Variants in SFMBT2 observed in about 807,000 individuals in gnomAD.
The protein encoded by SFMBT2 is scm-like with four MBT domains protein 2.
A neutral mutation model predicts 110.1 loss-of-function variants in SFMBT2; 38 were observed. The observed-to-expected ratio is 0.35, with a 90% CI of 0.27 to 0.45. The LOEUF (loss-of-function observed/expected upper bound fraction) is 0.45. Among genes scored for constraint, SFMBT2 ranks in the 20% least tolerant of loss-of-function variants. The pLI is 1.00. For missense variants in SFMBT2, 1,011 were observed against 1,094.9 expected, an observed-to-expected ratio of 0.92 and a Z score of 1.08; for synonymous variants, 425 against 425.4, an observed-to-expected ratio of 1.00 and a Z score of 0.01.
chr10:7,184,915 G>A (rs1016771659), intron 16 of SFMBT2, among the ~76,000 whole-genome samples: 12 of 152,216 alleles, frequency 7.9e-5, no homozygotes, highest in African/African-American at 2.7e-4. Flanking sequence ...ATCAGCAATA[G>A]TGAGGTACGG....
chr10:7,223,090 G>T (rs1839798107), intron 10 of SFMBT2, among the ~76,000 whole-genome samples: 1 of 152,150 alleles, frequency 6.6e-6, no homozygotes. Context: ...GTTAGGATTT[G>T]AACATATGAA....
intron 9 of SFMBT2, among the ~76,000 whole-genome samples, chr10:7,240,666 G>A (rs557604998): frequency 6.6e-6 from 1 of 152,162 alleles, no homozygotes; most frequent in Non-Finnish European, 1.5e-5. Context: ...CCAAGCTGAG[G>A]TTCTCCTGTT....
At chr10:7,399,910 T>A (rs1264860409) in intron 1 of SFMBT2, among the ~76,000 whole-genome samples, 2 of 152,154 alleles carry the variant, frequency 1.3e-5, no homozygotes, top group African/African-American at 2.4e-5. Flanking sequence ...TCCACTAGGA[T>A]GGAACAGAGA....
At chr10:7,264,266 G>C (rs1183142220) in intron 7 of SFMBT2, 1 of 239,764 alleles carries the variant, frequency 4.2e-6, no homozygotes, top group African/African-American at 2.3e-5. Context: ...AACCAAACCA[G>C]ACTCAATGCA....
chr10:7,387,189 G>A (rs1005202652), intron 1 of SFMBT2, among the ~76,000 whole-genome samples: 2 of 152,146 alleles, frequency 1.3e-5, no homozygotes, highest in African/African-American at 2.4e-5. Flanking sequence ...CCTAGGCATG[G>A]AGCATTTTTC....
At chr10:7,188,156 A>G (rs1266760193) in intron 16 of SFMBT2, among the ~76,000 whole-genome samples, 3 of 152,246 alleles carry the variant, frequency 2.0e-5, no homozygotes, top group African/African-American at 7.2e-5. Context: ...GCTGCCATTT[A>G]CTTAACCCAG....
intron 1 of SFMBT2, among the ~76,000 whole-genome samples, chr10:7,399,750 A>C (rs1462326795): frequency 6.6e-6 from 1 of 152,156 alleles, no homozygotes; most frequent in African/African-American, 2.4e-5. Context: ...TAAGTGCCCC[A>C]AGCAACACTG....
rs17142544 is a variant in SFMBT2, at chr10:7,158,928, A to G, written c.*4842T>C. Reference sequence around the variant, plus strand: ...CAAAACAGTGAAAGAGCTTTCAACAATCACGACGAGGGATAGTTGATGCTT... The same window carrying G: ...CAAAACAGTGAAAGAGCTTTCAACAGTCACGACGAGGGATAGTTGATGCTT... On this transcript the variant is annotated 3_prime_UTR_variant, in exon 21 of 21. Coordinates refer to ENST00000397167, the MANE Select transcript of SFMBT2 (RefSeq NM_001387889.1). 2.0e-5 allele frequency: 3 copies of G among 152,188 alleles called. No homozygotes were observed. Among genetic ancestry groups the G allele is most frequent in the African/African-American group, 2.4e-5 (1 of 41,440 alleles). 9.4% of individuals were successfully genotyped at this position (152,188 alleles called of 1,614,324 possible).
At chr10:7,227,671 A>G (rs1839933965) in intron 10 of SFMBT2, among the ~76,000 whole-genome samples, 184 bp downstream of exon 10, 1 of 152,242 alleles carries the variant, frequency 6.6e-6, no homozygotes, top group East Asian at 1.9e-4. Context: ...GTTAGCACAG[A>G]CCAGCATCAC....
chr10:7,271,822 C>T (rs994062761), intron 7 of SFMBT2, among the ~76,000 whole-genome samples: 1 of 152,180 alleles, frequency 6.6e-6, no homozygotes, highest in Non-Finnish European at 1.5e-5. Context: ...AGAGCTTCTG[C>T]AGGGAAACTC....
intron 4 of SFMBT2, among the ~76,000 whole-genome samples, chr10:7,362,984 C>G (rs543950564): frequency 6.6e-6 from 1 of 152,338 alleles, no homozygotes; most frequent in South Asian, 2.1e-4. Context: ...TCTTCCTTCA[C>G]AAGGGTCACA....
At chr10:7,232,299 T>G (rs1323596495) in intron 9 of SFMBT2, among the ~76,000 whole-genome samples, 1 of 152,190 alleles carries the variant, frequency 6.6e-6, no homozygotes, top group South Asian at 2.1e-4. Flanking sequence ...AAAAACTATT[T>G]GGCATTAAAA....
chr10:7,228,375 T>TAA, intron 9 of SFMBT2: 2 of 698,234 alleles, frequency 2.9e-6, no homozygotes, highest in Non-Finnish European at 3.2e-6. Flanking sequence ...AAATAAAAAA[T>TAA]TAAAAAAAAA....
At position 7,202,480 on chromosome 10, in the gene SFMBT2, T is replaced by C. The variant is rs1357553879; in HGVS notation, c.1487A>G (p.Gln496Arg). The C allele has an allele frequency of 4.3e-6, 7 of 1,614,204 alleles. No individual in the cohort carries two copies. The highest frequency in any genetic ancestry group is 1.6e-4 in the Middle Eastern group (1 of 6,062). The stretch of plus-strand genomic sequence containing the variant: ...GTCTGGAGGGGAAAAAAGCACGTAC[T>C]GTTTCTCTGGTTGCACGACTGCAAT... Reference protein sequence around the residue: ...RKIAVVQPEKQLPPTVPVKKI... With the variant: ...RKIAVVQPEKRLPPTVPVKKI... Residue 496 changes from glutamine (Q) to arginine (R), a missense_variant and splice_region_variant, in exon 13 of 21, where the codon CAA (glutamine) becomes CGA (arginine). Coordinates refer to ENST00000397167, the MANE Select transcript of SFMBT2 (RefSeq NM_001387889.1).
chr10:7,188,594 C>T (rs769914914), intron 16 of SFMBT2, 30 bp downstream of exon 16: 1 of 1,572,458 alleles, frequency 6.4e-7, no homozygotes, highest in East Asian at 2.2e-5. Context: ...ATTACAAAAA[C>T]CCTTGCTTTC....
intron 4 of SFMBT2, among the ~76,000 whole-genome samples, chr10:7,304,157 C>T (rs775676188): frequency 1.1e-4 from 16 of 152,180 alleles, no homozygotes; most frequent in Non-Finnish European, 2.2e-4. Context: ...ACTGTAGCTC[C>T]CACAATTCAC....
At chr10:7,345,281 A>C (rs1239109574) in intron 4 of SFMBT2, among the ~76,000 whole-genome samples, 1 of 152,210 alleles carries the variant, frequency 6.6e-6, no homozygotes, top group African/African-American at 2.4e-5. Context: ...TCCCTTCAAG[A>C]CCATTCTAAA....
chr10:7,206,324 T>A, intron 11 of SFMBT2: 1 of 985,384 alleles, frequency 1.0e-6, no homozygotes, highest in Non-Finnish European at 1.2e-6. Context: ...TATCGGAGCT[T>A]GGGGTGGGAC....
intron 4 of SFMBT2, among the ~76,000 whole-genome samples, 170 bp from the exon 5 acceptor site, chr10:7,286,124 C>T (rs1842079455): frequency 6.6e-6 from 1 of 152,206 alleles, no homozygotes; most frequent in Non-Finnish European, 1.5e-5. Context: ...AAAACTGAGA[C>T]TGAAAATGTG....
Sources: gnomAD v4.1 joint callset for allele counts (sites outside exome capture counted in the v4.1 genomes callset) on GRCh38, gnomAD v4.1.1 for gene constraint, MANE v1.5 for transcripts, NCBI Gene and HGNC (gene_info 2026-07-23, HGNC 2026-07-21) for gene names.